The following NCKAP5 variants were observed in gnomAD, a reference collection of about 807,000 sequenced individuals.
NCKAP5 encodes nck-associated protein 5.
Under a neutral mutation model 167.0 loss-of-function variants are expected in NCKAP5, and 92 were observed. That is an observed-to-expected ratio of 0.55 (90% confidence interval 0.47 to 0.66). The LOEUF (loss-of-function observed/expected upper bound fraction) is 0.66. NCKAP5 is among the 30% of genes least tolerant of loss of function. NCKAP5 has a pLI of 0.00. For synonymous variants in NCKAP5, 891 were observed against 877.4 expected, an observed-to-expected ratio of 1.02 and a Z score of -0.27; for missense variants, 2,378 against 2,315.0, an observed-to-expected ratio of 1.03 and a Z score of -0.56.
chr2:133,610,554 TG>T, the NCKAP5 span, among the ~76,000 whole-genome samples: 5 of 152,088 alleles, frequency 3.3e-5, no homozygotes, highest in African/African-American at 1.2e-4. Context: ...GTGCTAAACC[TG>T]GGGGGCAAGA....
chr2:133,255,083 G>T (rs1291003161), intron 4 of NCKAP5, among the ~76,000 whole-genome samples: 1 of 151,794 alleles, frequency 6.6e-6, no homozygotes, highest in African/African-American at 2.4e-5. Context: ...TTTTTGTGGT[G>T]GTTGTCAGAA....
At chr2:133,566,796 C>G (rs1454279941) in intron 1 of NCKAP5, among the ~76,000 whole-genome samples, 1 of 152,186 alleles carries the variant, frequency 6.6e-6, no homozygotes, top group African/African-American at 2.4e-5. Context: ...AGTTTGAAAT[C>G]TGTTTTAGCA....
intron 3 of NCKAP5, among the ~76,000 whole-genome samples, chr2:133,429,203 G>A (rs1389467246): frequency 6.6e-6 from 1 of 152,144 alleles, no homozygotes; most frequent in Non-Finnish European, 1.5e-5. Flanking sequence ...TGCCTCAGAA[G>A]AAGGTTCATG....
chr2:133,661,309 C>G, the NCKAP5 span, among the ~76,000 whole-genome samples: 12 of 152,272 alleles, frequency 7.9e-5, no homozygotes, highest in East Asian at 2.3e-3. Flanking sequence ...CTCTTAGACA[C>G]AATATGCCCA....
the NCKAP5 span, among the ~76,000 whole-genome samples, chr2:133,669,710 C>T: frequency 1.8e-3 from 269 of 152,222 alleles, 1 homozygote; most frequent in African/African-American, 6.1e-3. Flanking sequence ...ATGGGTGGAG[C>T]GTTGTCCAAT....
At chr2:133,422,373 G>T (rs1309628080) in intron 3 of NCKAP5, among the ~76,000 whole-genome samples, 3 of 151,974 alleles carry the variant, frequency 2.0e-5, no homozygotes, top group Admixed American at 1.3e-4. Context: ...TTGTTTTTTT[G>T]TTTTTTGGTA....
chr2:133,448,657 T>A (rs2151190447), intron 3 of NCKAP5, among the ~76,000 whole-genome samples: 1 of 152,302 alleles, frequency 6.6e-6, no homozygotes, highest in Admixed American at 6.5e-5. Context: ...TCTTTATTTT[T>A]TTTAAAACAG....
chr2:132,772,993 T>C (rs1469739735), intron 16 of NCKAP5, among the ~76,000 whole-genome samples: 1 of 152,194 alleles, frequency 6.6e-6, no homozygotes, highest in Non-Finnish European at 1.5e-5. Context: ...CGTCATATAC[T>C]GGAGCATGGT....
chr2:132,696,187 C>G (rs1687292667), intron 19 of NCKAP5, among the ~76,000 whole-genome samples: 1 of 152,174 alleles, frequency 6.6e-6, no homozygotes, highest in African/African-American at 2.4e-5. Context: ...CATGATGACT[C>G]CAGAGAAGGG....
chr2:133,602,212 G>T, the NCKAP5 span, among the ~76,000 whole-genome samples: 1 of 152,248 alleles, frequency 6.6e-6, no homozygotes, highest in South Asian at 2.1e-4. Flanking sequence ...AGAGCTCAGG[G>T]GAGGTGGTGT....
chr2:133,504,068 GGA>G (rs1491154520), intron 3 of NCKAP5, among the ~76,000 whole-genome samples: 1 of 151,014 alleles, frequency 6.6e-6, no homozygotes, highest in Non-Finnish European at 1.5e-5. Flanking sequence ...ATTTGCAGAG[GGA>G]AAAAAAAAGT....
chr2:133,469,733 C>T (rs907691517), intron 3 of NCKAP5, among the ~76,000 whole-genome samples: 3 of 151,590 alleles, frequency 2.0e-5, no homozygotes, highest in Non-Finnish European at 4.4e-5. Context: ...TTTCTCTAAA[C>T]TTCCCTTCTC....
At chr2:133,255,783 T>C (rs998218661) in intron 4 of NCKAP5, among the ~76,000 whole-genome samples, 10 of 152,188 alleles carry the variant, frequency 6.6e-5, no homozygotes, top group Admixed American at 5.2e-4. Flanking sequence ...GTCTCAGCAA[T>C]TTATGTAACA....
intron 6 of NCKAP5, among the ~76,000 whole-genome samples, chr2:133,127,748 T>C (rs1216573634): frequency 6.6e-6 from 1 of 152,214 alleles, no homozygotes; most frequent in Non-Finnish European, 1.5e-5. Context: ...AAGCAGTGCT[T>C]GTTTTAAATT....
chr2:132,848,300 C>T (rs543128626), intron 11 of NCKAP5, among the ~76,000 whole-genome samples: 2 of 152,212 alleles, frequency 1.3e-5, no homozygotes, highest in Non-Finnish European at 1.5e-5. Flanking sequence ...AGACAGTTTT[C>T]CATCTGAGGC....
At chr2:133,115,386 C>T (rs2082038569) in intron 6 of NCKAP5, among the ~76,000 whole-genome samples, 1 of 152,086 alleles carries the variant, frequency 6.6e-6, no homozygotes, top group Non-Finnish European at 1.5e-5. Flanking sequence ...ATATGGATCC[C>T]ACTACAAGTG....
chr2:133,195,386 C>T (rs1307229991), intron 5 of NCKAP5, among the ~76,000 whole-genome samples: 4 of 152,156 alleles, frequency 2.6e-5, no homozygotes, highest in Admixed American at 2.6e-4. Context: ...TCATTTGCAG[C>T]ACAGGCTCCT....
In NCKAP5 at chr2:133,297,254, G is replaced by A. The variant is rs1014349764; in HGVS notation, c.143+5783C>T. 2.0e-5 allele frequency among the ~76,000 whole-genome samples: 3 copies of A among 150,742 alleles called. No individual in the cohort carries two copies. The Admixed American group carries it at 2.0e-4, about 10-fold the overall frequency. ...ATACAGAGCAGATTAAACTCACCCC[G>A]ACTTATGCTCAAGTCTTAGACTAAG... On this transcript the variant is annotated intron_variant, in intron 4 of 19. Coordinates refer to ENST00000409261, the MANE Select transcript of NCKAP5 (RefSeq NM_207363.3).
At chr2:133,455,710 T>G (rs1161535878) in intron 3 of NCKAP5, among the ~76,000 whole-genome samples, 1 of 152,052 alleles carries the variant, frequency 6.6e-6, no homozygotes, top group African/African-American at 2.4e-5. Flanking sequence ...AGGAAAGCAA[T>G]AAAAGACCCT....
Sources: allele counts gnomAD v4.1 joint callset (sites outside exome capture counted in the v4.1 genomes callset), GRCh38; gene constraint gnomAD v4.1.1; transcripts MANE v1.5; gene names NCBI Gene and HGNC (gene_info 2026-07-23, HGNC 2026-07-21).